Variants in ALKBH5 observed in about 807,000 individuals in gnomAD.
The protein encoded by ALKBH5 is RNA demethylase ALKBH5.
ALKBH5 carries 2 observed loss-of-function variants against 32.1 expected under a neutral mutation model. That is an observed-to-expected ratio of 0.06 (90% CI 0.03 to 0.20). The LOEUF is 0.20. Among genes scored for constraint, ALKBH5 ranks in the 10% least tolerant of loss-of-function variants. The probability of loss-of-function intolerance (pLI) is 1.00; values close to 1 mark genes in which losing one functional copy is unlikely to be tolerated. For synonymous variants in ALKBH5, 300 were observed against 231.7 expected (o/e 1.29, Z -2.68); for missense variants, 352 against 559.5 (o/e 0.63, Z 3.74).
At chr17:18,194,235 C>T (rs574743396) in intron 1 of ALKBH5, among the ~76,000 whole-genome samples, 1 of 152,152 alleles carries the variant, frequency 6.6e-6, no homozygotes, top group South Asian at 2.1e-4. Flanking sequence ...CTCACTGCAA[C>T]TTCTGCCTCC....
At chr17:18,205,125 C>T (rs764593858) in intron 2 of ALKBH5, among the ~76,000 whole-genome samples, 9 of 152,230 alleles carry the variant, frequency 5.9e-5, no homozygotes, top group Non-Finnish European at 5.9e-5. Flanking sequence ...CACCTCTACC[C>T]AGAGAATCCC....
At chr17:18,192,998 A>G (rs2142475181) in intron 1 of ALKBH5, among the ~76,000 whole-genome samples, 1 of 151,246 alleles carries the variant, frequency 6.6e-6, no homozygotes, top group South Asian at 2.1e-4. Flanking sequence ...AGCTGGAATT[A>G]CAGGCACCTG....
At chr17:18,208,087 T>C (rs2047280535) in intron 3 of ALKBH5, 132 bp from the exon 4 acceptor site, 1 of 954,236 alleles carries the variant, frequency 1.0e-6, no homozygotes, top group Non-Finnish European at 1.6e-6. Flanking sequence ...CCAGGGCCTC[T>C]GCCAGGACTA....
chr17:18,187,974 G>A (rs1282939823), intron 1 of ALKBH5, among the ~76,000 whole-genome samples: 6 of 152,302 alleles, frequency 3.9e-5, no homozygotes, highest in South Asian at 2.1e-4. Context: ...ATGTTGGTGC[G>A]TCACAAACAT....
chr17:18,207,698 G>A (rs2047277735), intron 3 of ALKBH5, among the ~76,000 whole-genome samples: 1 of 152,070 alleles, frequency 6.6e-6, no homozygotes, highest in Non-Finnish European at 1.5e-5. Flanking sequence ...TGTTGGGGAA[G>A]GTTTCCAAGG....
At chr17:18,196,312 T>G (rs1400521717) in intron 2 of ALKBH5, among the ~76,000 whole-genome samples, 1 of 151,918 alleles carries the variant, frequency 6.6e-6, no homozygotes. Context: ...AACCTCTGCG[T>G]CCCAGGTTCA....
intron 2 of ALKBH5, among the ~76,000 whole-genome samples, chr17:18,195,588 A>AT (rs1413734807): frequency 7.9e-5 from 12 of 152,150 alleles, no homozygotes; most frequent in Admixed American, 7.9e-4. Context: ...CTTCACCAGC[A>AT]TTTATTTCTT....
chr17:18,195,179 A>T, intron 2 of ALKBH5, 144 bp downstream of exon 2: 1 of 643,318 alleles, frequency 1.6e-6, no homozygotes, highest in Non-Finnish European at 2.6e-6. Context: ...TTTTATTTGA[A>T]TCCTGTGAGG....
intron 2 of ALKBH5, among the ~76,000 whole-genome samples, chr17:18,195,800 G>T (rs907373083): frequency 1.3e-5 from 2 of 152,164 alleles, no homozygotes; most frequent in Admixed American, 6.5e-5. Flanking sequence ...ACCATACCTG[G>T]TTCACGCCTA....
rs549338702 is a variant in ALKBH5 at position 18,191,412 on chromosome 17, C to T, written c.771-3543C>T. Among the ~76,000 whole-genome samples the T allele has an allele frequency of 3.3e-5, 5 of 152,260 alleles. No individual in the cohort carries two copies. The East Asian group carries it at 9.7e-4, about 29-fold the overall frequency. The stretch of plus-strand genomic sequence containing the variant: ...TACCTCCATACTAGTTCTTCCAAGG[C>T]CTGGGCTCCGTGGCAGGAACCTGAC... On this transcript the variant is annotated intron_variant, in intron 1 of 3. Transcript: ENST00000399138.
At chr17:18,195,147 G>A (rs2047197855) in intron 2 of ALKBH5, 112 bp downstream of exon 2, 1 of 772,864 alleles carries the variant, frequency 1.3e-6, no homozygotes, top group Non-Finnish European at 2.1e-6. Flanking sequence ...GCAGAGTGGA[G>A]AGCAGAACTG....
Position 18,208,315 on chromosome 17 carries a change from G to T in ALKBH5, c.1104G>T (p.Trp368Cys), listed in dbSNP as rs765516157. Residue 368 changes from tryptophan to cysteine, a missense_variant, in exon 4 of 4, where the codon TGG becomes TGT. Physicochemically the swap from Trp to Cys is radical, Grantham distance 215. Transcript: ENST00000399138. Reference sequence around the variant, plus strand: ...GTAGCTTCAGCTCTGAGAACTACTGGCGCAAGTCATACGAGTCCTCAGAGG... The same window carrying T: ...GTAGCTTCAGCTCTGAGAACTACTGTCGCAAGTCATACGAGTCCTCAGAGG... ...RRGSFSSENY[W>C]RKSYESSEDC... 1 of 1,614,100 alleles carries T rather than the reference G, an allele frequency of 6.2e-7. No individual in the cohort carries two copies. Among genetic ancestry groups the T allele is most frequent in the Non-Finnish European group, 8.5e-7 (1 of 1,180,018 alleles).
chr17:18,194,120 A>G (rs1264469756), intron 1 of ALKBH5, among the ~76,000 whole-genome samples: 2 of 122,632 alleles, frequency 1.6e-5, no homozygotes, highest in Admixed American at 1.1e-4. Context: ...CAGATATCTG[A>G]GTATGATGGA....
chr17:18,193,696 C>T (rs752621252), intron 1 of ALKBH5, among the ~76,000 whole-genome samples: 1 of 152,152 alleles, frequency 6.6e-6, no homozygotes, highest in Non-Finnish European at 1.5e-5. Flanking sequence ...GTTATTAGAG[C>T]TGAGGTTTGG....
chr17:18,201,896 T>A (rs1220061127), intron 2 of ALKBH5, among the ~76,000 whole-genome samples: 2 of 152,020 alleles, frequency 1.3e-5, no homozygotes, highest in African/African-American at 4.8e-5. Flanking sequence ...ATACCTATAG[T>A]CCGAGCTACT....
intron 2 of ALKBH5, among the ~76,000 whole-genome samples, chr17:18,196,624 C>T (rs1450062552): frequency 6.6e-6 from 1 of 152,220 alleles, no homozygotes; most frequent in African/African-American, 2.4e-5. Flanking sequence ...ATTTTTACTA[C>T]ATAACCAAGA....
intron 2 of ALKBH5, among the ~76,000 whole-genome samples, chr17:18,196,630 C>T (rs542373209): frequency 1.3e-5 from 2 of 152,248 alleles, no homozygotes; most frequent in East Asian, 3.9e-4. Flanking sequence ...ACTACATAAC[C>T]AAGAATATAT....
chr17:18,208,371 G>A lies in ALKBH5; in HGVS notation c.1160G>A (p.Arg387Gln), dbSNP rs947071965. The A allele has an allele frequency of 9.3e-6, 15 of 1,613,154 alleles. No homozygotes were observed. Among genetic ancestry groups the A allele is most frequent in the Admixed American group, 5.0e-5 (3 of 59,840 alleles). ...TCTGAGGCAGCAGGCAGCCCTGCCCGAAAGGTGAAGATGCGGCGGCACTGA... is the reference window on the plus strand; with the variant it reads ...TCTGAGGCAGCAGGCAGCCCTGCCCAAAAGGTGAAGATGCGGCGGCACTGA... The part of the protein sequence containing the change: ...DCSEAAGSPA[R>Q]KVKMRRH The change falls in exon 4 of 4, where the codon CGA becomes CAA. Residue 387 changes from arginine to glutamine, a missense_variant. This residue lies in a region of ALKBH5 where 124 missense variants were observed against 142.4 expected (regional missense o/e 0.87). Transcript: ENST00000399138.
intron 1 of ALKBH5, among the ~76,000 whole-genome samples, chr17:18,193,170 G>C (rs769067901): frequency 8.6e-5 from 13 of 151,822 alleles, no homozygotes; most frequent in Non-Finnish European, 1.6e-4. Flanking sequence ...CCTGTCTACT[G>C]TCTCTTATGG....
Sources: allele counts gnomAD v4.1 joint callset (sites outside exome capture counted in the v4.1 genomes callset), GRCh38; gene constraint gnomAD v4.1.1; regional missense constraint gnomAD v4.1.1; transcripts MANE v1.5; gene names NCBI Gene and HGNC (gene_info 2026-07-23, HGNC 2026-07-21).